FOXP1: variants seen among roughly 807,000 people sequenced by gnomAD.
FOXP1 encodes the protein forkhead box P1.
Under a neutral mutation model 98.2 loss-of-function variants are expected in FOXP1, and 15 were observed. The ratio of observed to expected loss-of-function variants is 0.15; its 90% CI spans 0.10 to 0.24. FOXP1 has a LOEUF of 0.24. Ranked by LOEUF, FOXP1 falls within the 10% of genes least tolerant of loss-of-function variation. FOXP1 has a pLI of 1.00. For synonymous variants in FOXP1, 371 were observed against 314.5 expected, an observed-to-expected ratio of 1.18 and a Z score of -1.90; for missense variants, 633 against 848.5, an observed-to-expected ratio of 0.75 and a Z score of 3.15.
chr3:71,482,148 TA>T (rs2106864097), intron 3 of FOXP1, among the ~76,000 whole-genome samples: 1 of 152,262 alleles, frequency 6.6e-6, no homozygotes, highest in African/African-American at 2.4e-5. Context: ...AAGGAACATT[TA>T]GAAGAAAAGT....
intron 14 of FOXP1, among the ~76,000 whole-genome samples, chr3:70,981,489 T>A (rs898566054): frequency 1.3e-5 from 2 of 152,170 alleles, no homozygotes; most frequent in African/African-American, 4.8e-5. Context: ...GAGACGCGGA[T>A]GGAGGTGATC....
chr3:71,225,331 T>G (rs915841204), intron 5 of FOXP1, among the ~76,000 whole-genome samples: 19 of 152,322 alleles, frequency 1.2e-4, no homozygotes, highest in Non-Finnish European at 2.6e-4. Context: ...AAACTACTAG[T>G]GTAGCTCAAT....
chr3:71,316,144 G>A (rs1179079851), intron 4 of FOXP1, among the ~76,000 whole-genome samples: 2 of 152,176 alleles, frequency 1.3e-5, no homozygotes, highest in Non-Finnish European at 2.9e-5. Flanking sequence ...CTCGTCACTG[G>A]TACAAGGTGG....
At chr3:71,360,958 T>C (rs1375727626) in intron 3 of FOXP1, among the ~76,000 whole-genome samples, 2 of 152,196 alleles carry the variant, frequency 1.3e-5, no homozygotes, top group Admixed American at 1.3e-4. Context: ...CTTCTAGATA[T>C]GAGATAAACT....
intron 2 of FOXP1, among the ~76,000 whole-genome samples, chr3:71,564,255 A>G (rs1207684136): frequency 3.9e-5 from 6 of 152,240 alleles, no homozygotes; most frequent in Admixed American, 3.3e-4. Context: ...TAATCTTTGC[A>G]AAGTTCTCAT....
intron 4 of FOXP1, among the ~76,000 whole-genome samples, chr3:71,347,327 A>G (rs9859586): frequency 0.67 from 102,340 of 151,950 alleles, 35,202 homozygotes; most frequent in East Asian, 0.79. Context: ...TCCAAAATGA[A>G]AGTCACCCAT....
chr3:71,450,917 T>C (rs767562362), intron 3 of FOXP1, among the ~76,000 whole-genome samples: 2 of 152,200 alleles, frequency 1.3e-5, no homozygotes, highest in African/African-American at 2.4e-5. Context: ...CTACTTGATA[T>C]TGGAAAGCCT....
intron 2 of FOXP1, among the ~76,000 whole-genome samples, chr3:71,510,304 C>T (rs1337734100): frequency 2.0e-5 from 3 of 151,584 alleles, no homozygotes; most frequent in East Asian, 1.9e-4. Context: ...AGTGAAACCC[C>T]GTCTCAACTA....
chr3:71,278,585 A>T (rs2071169711), intron 5 of FOXP1, among the ~76,000 whole-genome samples: 1 of 152,100 alleles, frequency 6.6e-6, no homozygotes. Flanking sequence ...GTTCAAGACC[A>T]GCCTGACAAA....
chr3:71,152,729 G>A (rs143359197), intron 6 of FOXP1, among the ~76,000 whole-genome samples: 1 of 152,292 alleles, frequency 6.6e-6, no homozygotes, highest in East Asian at 1.9e-4. Context: ...CAGAGCTGTG[G>A]CAGAGATTAA....
chr3:70,967,623 CT>C (rs1186640949), intron 19 of FOXP1, among the ~76,000 whole-genome samples: 3 of 143,786 alleles, frequency 2.1e-5, no homozygotes, highest in African/African-American at 5.3e-5. Context: ...TGCGATAAAG[CT>C]TTTTTTCTTT....
intron 6 of FOXP1, among the ~76,000 whole-genome samples, chr3:71,178,134 C>A (rs1024953285): frequency 1.9e-4 from 28 of 145,624 alleles, no homozygotes; most frequent in Non-Finnish European, 3.3e-4. Flanking sequence ...CACACCCAGT[C>A]AGTCTTTTTT....
At chr3:71,418,935 CAA>C (rs34398058) in intron 3 of FOXP1, among the ~76,000 whole-genome samples, 4 of 108,650 alleles carry the variant, frequency 3.7e-5, no homozygotes, top group Non-Finnish European at 3.6e-5. Flanking sequence ...AGACCGGTCT[CAA>C]AAAAAAAAAA....
At chr3:71,459,688 A>C (rs2087836223) in intron 3 of FOXP1, among the ~76,000 whole-genome samples, 1 of 152,190 alleles carries the variant, frequency 6.6e-6, no homozygotes, top group Non-Finnish European at 1.5e-5. Flanking sequence ...TCCAAATTCA[A>C]ATACAGCTAA....
intron 3 of FOXP1, among the ~76,000 whole-genome samples, chr3:71,392,009 A>G (rs576483122): frequency 6.6e-6 from 1 of 152,342 alleles, no homozygotes; most frequent in South Asian, 2.1e-4. Flanking sequence ...TCTATTACTC[A>G]GTGAAGAAGG....
intron 20 of FOXP1, among the ~76,000 whole-genome samples, chr3:70,963,344 A>G (rs1311972142): frequency 6.6e-6 from 1 of 152,224 alleles, no homozygotes. Flanking sequence ...TGATGCCGGC[A>G]GATACCCCTG....
At chr3:71,103,890 G>A (rs577660699) in intron 7 of FOXP1, among the ~76,000 whole-genome samples, 4 of 152,176 alleles carry the variant, frequency 2.6e-5, no homozygotes, top group South Asian at 2.1e-4. Context: ...TGACCTCAGC[G>A]TGCCCCCTTT....
chr3:71,124,880 G>A (rs1004490426), intron 6 of FOXP1, among the ~76,000 whole-genome samples: 7 of 152,182 alleles, frequency 4.6e-5, no homozygotes, highest in African/African-American at 9.7e-5. Flanking sequence ...ACCATTGGTC[G>A]TCCTCTTTAC....
chr3:70,971,202 C>T, intron 18 of FOXP1: 1 of 290,062 alleles, frequency 3.4e-6, no homozygotes, highest in South Asian at 3.6e-5. Flanking sequence ...CAGAGAGAAT[C>T]TTGGCTCCTA....
Sources: gnomAD v4.1 joint callset for allele counts (sites outside exome capture counted in the v4.1 genomes callset) on GRCh38, gnomAD v4.1.1 for gene constraint, MANE v1.5 for transcripts, NCBI Gene and HGNC (gene_info 2026-07-23, HGNC 2026-07-21) for gene names.